Variants in SUMF1 observed in about 807,000 individuals in gnomAD.
SUMF1 encodes the protein sulfatase modifying factor 1, also known as formylglycine-generating enzyme.
A neutral mutation model predicts 47.6 loss-of-function variants in SUMF1; 48 were observed. The observed-to-expected ratio is 1.01, with a 90% confidence interval of 0.80 to 1.28. The LOEUF (loss-of-function observed/expected upper bound fraction) is 1.28, where lower values mean the gene tolerates loss of function less well. Ranked by LOEUF, SUMF1 falls within the 50% of genes most tolerant of loss-of-function variation. The pLI, the probability that SUMF1 is intolerant of heterozygous loss-of-function variation, is 0.00. For synonymous variants in SUMF1, 230 were observed against 192.1 expected, an observed-to-expected ratio of 1.20 and a Z score of -1.63; for missense variants, 571 against 485.4, an observed-to-expected ratio of 1.18 and a Z score of -1.66.
chr3:4,444,636 C>G (rs550325595), intron 3 of SUMF1, among the ~76,000 whole-genome samples: 32 of 152,142 alleles, frequency 2.1e-4, no homozygotes, highest in Non-Finnish European at 3.7e-4. Flanking sequence ...ATAGACTAGT[C>G]TATCATCCCC....
chr3:4,421,502 C>G (rs966192515), intron 3 of SUMF1, among the ~76,000 whole-genome samples: 1 of 152,076 alleles, frequency 6.6e-6, no homozygotes, highest in Non-Finnish European at 1.5e-5. Flanking sequence ...CTTTTTGAGA[C>G]AGGGTCTCAC....
chr3:4,034,920 G>T (rs887930250), intron 9 of SUMF1, among the ~76,000 whole-genome samples: 2 of 151,788 alleles, frequency 1.3e-5, no homozygotes. Flanking sequence ...TACGGTGTAA[G>T]ATTGGGGAAT....
intron 8 of SUMF1, among the ~76,000 whole-genome samples, chr3:4,289,143 C>T (rs981578062): frequency 1.3e-5 from 2 of 152,150 alleles, no homozygotes; most frequent in African/African-American, 2.4e-5. Context: ...AAAGCAACTA[C>T]GAGGTTTCGG....
chr3:4,306,155 C>T (rs938874221), intron 8 of SUMF1, among the ~76,000 whole-genome samples: 15 of 152,154 alleles, frequency 9.9e-5, no homozygotes, highest in Admixed American at 4.6e-4. Flanking sequence ...TGTGTGTGTG[C>T]GTTTGAGACT....
chr3:4,247,990 T>C (rs1010716823), intron 8 of SUMF1, among the ~76,000 whole-genome samples: 2 of 152,180 alleles, frequency 1.3e-5, no homozygotes, highest in East Asian at 3.8e-4. Context: ...ATGGGGAAAA[T>C]TACCTATTTC....
chr3:4,171,017 CAGA>C (rs1418491941), intron 8 of SUMF1, among the ~76,000 whole-genome samples: 2 of 152,196 alleles, frequency 1.3e-5, no homozygotes, highest in Admixed American at 6.5e-5. Context: ...GCATTTGCAT[CAGA>C]AGAATACTGC....
intron 8 of SUMF1, among the ~76,000 whole-genome samples, chr3:4,238,347 G>A (rs1696457574): frequency 6.6e-6 from 1 of 152,128 alleles, no homozygotes. Flanking sequence ...TTGAGGAATT[G>A]CCATACTGTT....
intron 7 of SUMF1, among the ~76,000 whole-genome samples, chr3:4,395,507 C>G (rs1279383474): frequency 5.9e-5 from 9 of 151,852 alleles, no homozygotes; most frequent in African/African-American, 1.7e-4. Context: ...AAGGTGACGC[C>G]CAAAGAAAGG....
chr3:4,065,172 C>T (rs377558290), intron 9 of SUMF1, among the ~76,000 whole-genome samples: 4 of 152,134 alleles, frequency 2.6e-5, no homozygotes, highest in African/African-American at 9.7e-5. Context: ...AGCCACTGTG[C>T]AGACTTAATA....
At chr3:4,399,866 T>C (rs555141703) in intron 7 of SUMF1, among the ~76,000 whole-genome samples, 1 of 152,238 alleles carries the variant, frequency 6.6e-6, no homozygotes, top group Non-Finnish European at 1.5e-5. Flanking sequence ...CAAGTGATTC[T>C]TGTGCCTTAG....
At chr3:4,317,218 T>G (rs796857021) in intron 8 of SUMF1, 1 of 1,545,672 alleles carries the variant, frequency 6.5e-7, no homozygotes, top group Non-Finnish European at 8.7e-7. Context: ...CAAAAATGTG[T>G]TGATTGTAAT....
chr3:4,124,037 AATGATTGAG>A lies in SUMF1; in HGVS notation c.1015-55301_1015-55293del, dbSNP rs562688325. Among the ~76,000 whole-genome samples, 11 of 152,214 alleles carry A rather than the reference AATGATTGAG, an allele frequency of 7.2e-5. No homozygotes were observed. In the East Asian group the frequency reaches 2.1e-3, roughly 29 times the overall value. On this transcript the variant is annotated intron_variant and NMD_transcript_variant, in intron 8 of 12. Transcript: ENST00000448413. Reference sequence around the variant, plus strand: ...CTCCCTCCCTCTCTTTACTTACGAGAATGATTGAGACCCCTGTTGATAAATAAAACAAGA... The same window carrying A: ...CTCCCTCCCTCTCTTTACTTACGAGAACCCCTGTTGATAAATAAAACAAGA...
chr3:4,035,863 A>G (rs1424975266), intron 9 of SUMF1, among the ~76,000 whole-genome samples: 1 of 111,030 alleles, frequency 9.0e-6, no homozygotes, highest in East Asian at 2.7e-4. Flanking sequence ...GACATGAAGT[A>G]CTTGTGCTTT....
intron 9 of SUMF1, among the ~76,000 whole-genome samples, chr3:4,066,387 T>C (rs936785071): frequency 2.0e-5 from 3 of 152,156 alleles, no homozygotes; most frequent in African/African-American, 7.2e-5. Flanking sequence ...GTTATATTTC[T>C]GAAACCAACC....
chr3:4,125,812 G>T lies in SUMF1; in HGVS notation c.1015-57067C>A, dbSNP rs201281309. 3.9e-5 allele frequency among the ~76,000 whole-genome samples: 6 copies of T among 152,118 alleles called. No individual in the cohort carries two copies. In the East Asian group the frequency reaches 1.2e-3, roughly 29 times the overall value. ...GTCTCAGCACCCTCTGGGTAGCAGG[G>T]ACTACAGGTGTGCATGACCACATGT... On this transcript the variant is annotated intron_variant and NMD_transcript_variant, in intron 8 of 12. Transcript: ENST00000448413.
At chr3:4,223,874 G>A (rs1048537797) in intron 8 of SUMF1, among the ~76,000 whole-genome samples, 5 of 152,104 alleles carry the variant, frequency 3.3e-5, no homozygotes, top group South Asian at 2.1e-4. Flanking sequence ...CCAACTGTGC[G>A]ACCTGGAACA....
intron 8 of SUMF1, among the ~76,000 whole-genome samples, chr3:4,258,577 C>A (rs1697011824): frequency 6.6e-6 from 1 of 152,058 alleles, no homozygotes; most frequent in Admixed American, 6.5e-5. Context: ...CATCTCACAC[C>A]AGTTAGAATG....
chr3:4,296,102 AT>A (rs1164863147), intron 8 of SUMF1, among the ~76,000 whole-genome samples: 1 of 129,948 alleles, frequency 7.7e-6, no homozygotes, highest in African/African-American at 3.0e-5. Context: ...AAAATGACCC[AT>A]ATGCCTTTGC....
At chr3:4,060,909 T>C in intron 9 of SUMF1, among the ~76,000 whole-genome samples, 1 of 152,124 alleles carries the variant, frequency 6.6e-6, no homozygotes, top group Non-Finnish European at 1.5e-5. Flanking sequence ...ACTTAGGAGT[T>C]CCTACTCTGT....
Sources: allele counts gnomAD v4.1 joint callset (sites outside exome capture counted in the v4.1 genomes callset), GRCh38; gene constraint gnomAD v4.1.1; transcripts MANE v1.5; gene names NCBI Gene and HGNC (gene_info 2026-07-23, HGNC 2026-07-21).